The following TMEM132D variants were observed in gnomAD, a reference collection of about 807,000 sequenced individuals.
TMEM132D encodes the protein mature OL transmembrane protein.
Under a neutral mutation model 62.3 loss-of-function variants are expected in TMEM132D, and 21 were observed. That is an observed-to-expected ratio of 0.34 (90% CI 0.24 to 0.49). TMEM132D has a LOEUF of 0.49. Among genes scored for constraint, TMEM132D ranks in the 20% least tolerant of loss-of-function variants. The pLI is 0.99. For synonymous variants in TMEM132D, 621 were observed against 575.6 expected, an observed-to-expected ratio of 1.08 and a Z score of -1.13; for missense variants, 1,346 against 1,402.8, an observed-to-expected ratio of 0.96 and a Z score of 0.65.
intron 2 of TMEM132D, among the ~76,000 whole-genome samples, chr12:129,570,764 T>C (rs1020976716): frequency 6.6e-6 from 1 of 152,234 alleles, no homozygotes; most frequent in African/African-American, 2.4e-5. Context: ...ATTTCTGAAA[T>C]ATTCAATTAT....
chr12:129,842,692 C>T (rs1447202219), intron 1 of TMEM132D, among the ~76,000 whole-genome samples: 2 of 152,088 alleles, frequency 1.3e-5, no homozygotes, highest in Non-Finnish European at 2.9e-5. Flanking sequence ...GGGTCTAGAA[C>T]TCCTGGGCTC....
intron 3 of TMEM132D, among the ~76,000 whole-genome samples, chr12:129,505,160 T>A (rs1487784113): frequency 6.6e-6 from 1 of 152,168 alleles, no homozygotes; most frequent in East Asian, 1.9e-4. Context: ...GAAAGTTCCA[T>A]GCACTGATGA....
At chr12:129,417,615 C>G (rs1872165020) in intron 3 of TMEM132D, among the ~76,000 whole-genome samples, 1 of 152,158 alleles carries the variant, frequency 6.6e-6, no homozygotes, top group Non-Finnish European at 1.5e-5. Flanking sequence ...AAAACCTAGG[C>G]AATACCATTC....
At chr12:129,410,818 C>G (rs7976752) in intron 3 of TMEM132D, among the ~76,000 whole-genome samples, 132,081 of 152,056 alleles carry the variant, frequency 0.87, 57,976 homozygotes, top group Non-Finnish European at 0.94. Flanking sequence ...ATAAACTTGT[C>G]TCATGGGGTT....
chr12:129,277,048 C>T lies in TMEM132D; in HGVS notation c.1299+60586G>A, dbSNP rs971788729. ...TCTTGGAGGAGATTCTAAGTCTGAC[C>T]AAAGGCTAAGGCTTCCAAAGCCAGC... On this transcript the variant is annotated intron_variant, in intron 4 of 8. Transcript: ENST00000422113. This position sits in a 1 kb window ranked among gnomAD's most constrained non-coding sequence, Gnocchi z 4.2. Among the ~76,000 whole-genome samples, 16 of 152,126 alleles carry T rather than the reference C, an allele frequency of 1.1e-4. No homozygotes were observed. Among genetic ancestry groups the T allele is most frequent in the African/African-American group, 3.4e-4 (14 of 41,432 alleles).
At chr12:129,807,501 T>C (rs921043595) in intron 1 of TMEM132D, among the ~76,000 whole-genome samples, 2 of 152,224 alleles carry the variant, frequency 1.3e-5, no homozygotes, top group Non-Finnish European at 2.9e-5. Context: ...AGAAATAGGA[T>C]GTTCCTTATC....
intron 5 of TMEM132D, among the ~76,000 whole-genome samples, chr12:129,186,519 CT>C (rs769957706): frequency 1.3e-5 from 2 of 152,202 alleles, no homozygotes; most frequent in African/African-American, 2.4e-5. Flanking sequence ...CCTTTCCTGG[CT>C]TTTCCTTCCT....
chr12:129,285,846 C>T (rs1881281426), intron 4 of TMEM132D, among the ~76,000 whole-genome samples: 1 of 152,158 alleles, frequency 6.6e-6, no homozygotes, highest in Non-Finnish European at 1.5e-5. Context: ...CATTCCACTT[C>T]CCCCATCAGT....
intron 3 of TMEM132D, among the ~76,000 whole-genome samples, chr12:129,487,031 T>TGGAG (rs771790075): frequency 9.8e-4 from 69 of 70,518 alleles, no homozygotes; most frequent in Non-Finnish European, 2.0e-3. Flanking sequence ...TGTTTGCGTA[T>TGGAG]GGGGGGGGGG....
intron 4 of TMEM132D, among the ~76,000 whole-genome samples, chr12:129,291,242 G>T (rs552696182): frequency 2.0e-5 from 3 of 152,168 alleles, no homozygotes; most frequent in Non-Finnish European, 4.4e-5. Context: ...CATGCTAATA[G>T]ATGTGTTCAT....
At chr12:129,133,662 T>C (rs1876446444) in intron 5 of TMEM132D, among the ~76,000 whole-genome samples, 1 of 152,250 alleles carries the variant, frequency 6.6e-6, no homozygotes, top group Non-Finnish European at 1.5e-5. Flanking sequence ...TTCTTGCGTT[T>C]ATCCCAGTTA....
chr12:129,460,225 C>T (rs146629377), intron 3 of TMEM132D, among the ~76,000 whole-genome samples: 50 of 152,280 alleles, frequency 3.3e-4, no homozygotes, highest in African/African-American at 1.2e-3. Flanking sequence ...TCTGTGTTCC[C>T]TGTGCTTGTG....
chr12:129,370,347 C>T (rs900261), intron 3 of TMEM132D, among the ~76,000 whole-genome samples: 4,010 of 152,204 alleles, frequency 0.026, 166 homozygotes, highest in African/African-American at 0.091. Flanking sequence ...TCCATGGTTC[C>T]CAAATGAGGC....
At chr12:129,299,322 T>C (rs1181091497) in intron 4 of TMEM132D, among the ~76,000 whole-genome samples, 2 of 152,040 alleles carry the variant, frequency 1.3e-5, no homozygotes, top group African/African-American at 4.8e-5. Flanking sequence ...GTGCTGATGA[T>C]ACTGTTGGAG....
At position 129,865,687 on chromosome 12, in the gene TMEM132D, C is replaced by T. The variant is rs80209014; in HGVS notation, c.79+37574G>A. On this transcript the variant is annotated intron_variant, in intron 1 of 8. Transcript: ENST00000422113. ...TGTTCAGTCTGACACACGGAATATACTGAACGCATCGCAACTGATGACTGC... is the reference window on the plus strand; with the variant it reads ...TGTTCAGTCTGACACACGGAATATATTGAACGCATCGCAACTGATGACTGC... 2.0e-3 allele frequency among the ~76,000 whole-genome samples: 305 copies of T among 152,340 alleles called. 2 individuals are homozygous for T. The highest frequency in any genetic ancestry group is 6.7e-3 in the African/African-American group (280 of 41,578).
intron 3 of TMEM132D, among the ~76,000 whole-genome samples, chr12:129,384,063 G>A (rs1309189028): frequency 3.3e-5 from 5 of 152,134 alleles, no homozygotes; most frequent in Admixed American, 1.3e-4. Context: ...ATAACACATC[G>A]TAAAAAAAGA....
chr12:129,380,359 G>A (rs1030898827), intron 3 of TMEM132D, among the ~76,000 whole-genome samples: 2 of 152,152 alleles, frequency 1.3e-5, no homozygotes, highest in African/African-American at 4.8e-5. Flanking sequence ...TGATAATTAA[G>A]TTTTTAATTG....
chr12:129,258,100 T>A (rs1880455896), intron 4 of TMEM132D, among the ~76,000 whole-genome samples: 1 of 152,128 alleles, frequency 6.6e-6, no homozygotes, highest in Non-Finnish European at 1.5e-5. Flanking sequence ...ACTAGACACA[T>A]GTGCTGGAAT....
chr12:129,183,390 T>C (rs1193436463), intron 5 of TMEM132D, among the ~76,000 whole-genome samples: 1 of 152,210 alleles, frequency 6.6e-6, no homozygotes, highest in East Asian at 1.9e-4. Context: ...CAAAGCTCTC[T>C]GTGGCCGAAA....
Sources: gnomAD v4.1 joint callset for allele counts (sites outside exome capture counted in the v4.1 genomes callset) on GRCh38, gnomAD v4.1.1 for gene constraint, Gnocchi (gnomAD v3.1) non-coding constraint, MANE v1.5 for transcripts, NCBI Gene and HGNC (gene_info 2026-07-23, HGNC 2026-07-21) for gene names.